The following LDAH variants were observed in gnomAD, a reference collection of about 807,000 sequenced individuals.
LDAH encodes lipid droplet associated hydrolase.
LDAH carries 26 observed loss-of-function variants against 29.6 expected under a neutral mutation model. The observed-to-expected ratio is 0.88, with a 90% CI of 0.64 to 1.22. The LOEUF is 1.22. Among genes scored for constraint, LDAH ranks in the 50% most tolerant of loss-of-function variants. LDAH has a pLI of 0.00. For missense variants in LDAH, 344 were observed against 387.3 expected (o/e 0.89, Z 0.94); for synonymous variants, 117 against 133.0 (o/e 0.88, Z 0.83).
intron 4 of LDAH, among the ~76,000 whole-genome samples, chr2:20,768,777 C>G (rs925712554): frequency 6.6e-6 from 1 of 152,214 alleles, no homozygotes; most frequent in African/African-American, 2.4e-5. Context: ...TCTCTCTTTT[C>G]TCAACAATTT....
At chr2:20,771,924 T>C (rs553475488) in intron 4 of LDAH, among the ~76,000 whole-genome samples, 1 of 152,218 alleles carries the variant, frequency 6.6e-6, no homozygotes, top group Non-Finnish European at 1.5e-5. Context: ...ACAAATAGAG[T>C]AGGTTAAGTT....
At chr2:20,801,169 A>T in intron 2 of LDAH, 141 bp downstream of exon 2, 1 of 766,816 alleles carries the variant, frequency 1.3e-6, no homozygotes, top group South Asian at 2.0e-5. Flanking sequence ...CAAAATATTA[A>T]GGGTGGTTGT....
chr2:20,709,974 T>A (rs1410928225), intron 5 of LDAH, among the ~76,000 whole-genome samples: 1 of 152,098 alleles, frequency 6.6e-6, no homozygotes, highest in Non-Finnish European at 1.5e-5. Flanking sequence ...AAAACTTACA[T>A]TACAAAATCA....
chr2:20,813,152 A>G (rs1466957575), intron 1 of LDAH, among the ~76,000 whole-genome samples: 1 of 152,060 alleles, frequency 6.6e-6, no homozygotes, highest in Non-Finnish European at 1.5e-5. Context: ...GCATGCTGTG[A>G]TTTTTCTAAA....
In LDAH at chr2:20,711,468, T is replaced by C. The variant is rs547199199; in HGVS notation, c.704-9816A>G. Among the ~76,000 whole-genome samples the C allele has an allele frequency of 1.1e-4, 17 of 151,968 alleles. No individual in the cohort carries two copies. The East Asian group carries it at 1.6e-3, about 14-fold the overall frequency. Reference sequence around the variant, plus strand: ...CTCCGGTCTGCAGCTTCCAGCATGATTGACAGAGAAGACGGGTGATTTCTG... The same window carrying C: ...CTCCGGTCTGCAGCTTCCAGCATGACTGACAGAGAAGACGGGTGATTTCTG... On this transcript the variant is annotated intron_variant, in intron 5 of 6. Coordinates refer to ENST00000237822, the MANE Select transcript of LDAH (RefSeq NM_021925.4).
chr2:20,731,209 GGAGGTGGGACCTGGT>G (rs1353721578), intron 5 of LDAH, among the ~76,000 whole-genome samples: 1 of 152,174 alleles, frequency 6.6e-6, no homozygotes, highest in East Asian at 1.9e-4. Flanking sequence ...CCCCAATGTT[GGAGGTGGGACCTGGT>G]GAGAGGTAAC....
chr2:20,723,773 G>A (rs192902223), intron 5 of LDAH, among the ~76,000 whole-genome samples: 4 of 152,216 alleles, frequency 2.6e-5, no homozygotes, highest in African/African-American at 9.6e-5. Flanking sequence ...ACTGTCAACA[G>A]CATTCCTGGA....
intron 1 of LDAH, among the ~76,000 whole-genome samples, chr2:20,817,306 A>G (rs561533253): frequency 1.3e-3 from 196 of 152,196 alleles, no homozygotes; most frequent in African/African-American, 4.5e-3. Context: ...AAAAGATAAA[A>G]TGACACAAAT....
rs1662403260 is a variant in LDAH at position 20,684,317 on chromosome 2, A to G, written c.*2586T>C. ...TTGTCTCAACAATGTCTTTTATAAC[A>G]AAAACATCCAATTCAGAATCAGATG... is the stretch of plus-strand genomic sequence containing the variant. On this transcript the variant is annotated 3_prime_UTR_variant, in exon 7 of 7. Transcript: ENST00000237822. 6.6e-6 allele frequency: 1 copy of G among 152,304 alleles called. No homozygotes were observed. The highest frequency in any genetic ancestry group is 2.1e-4 in the South Asian group (1 of 4,826). 9.4% of individuals were successfully genotyped at this position (152,304 alleles called of 1,614,324 possible).
chr2:20,734,192 T>C (rs957433637), intron 5 of LDAH, among the ~76,000 whole-genome samples: 2 of 152,202 alleles, frequency 1.3e-5, no homozygotes, highest in Non-Finnish European at 2.9e-5. Flanking sequence ...AACCTACTTA[T>C]ATTGTTATAT....
At chr2:20,754,958 T>C (rs1257609881) in intron 4 of LDAH, among the ~76,000 whole-genome samples, 1 of 152,148 alleles carries the variant, frequency 6.6e-6, no homozygotes, top group African/African-American at 2.4e-5. Flanking sequence ...GCAAGGTAGA[T>C]TAAAGTATTA....
Position 20,749,337 on chromosome 2 carries a change from A to G in LDAH, c.469-9132T>C, listed in dbSNP as rs1226830616. Among the ~76,000 whole-genome samples the G allele has an allele frequency of 1.3e-5, 2 of 152,266 alleles. 1 individual carries two copies. Among genetic ancestry groups the G allele is most frequent in the Non-Finnish European group, 2.9e-5 (2 of 68,048 alleles). On this transcript the variant is annotated intron_variant, in intron 4 of 6. Coordinates refer to ENST00000237822, the MANE Select transcript of LDAH (RefSeq NM_021925.4). ...ACAAGCAAAGTGCTGATGATAGAAT[A>G]CAGGGTTATTCAGTGAAACCAGTAA...
At chr2:20,688,623 C>T (rs1662744098) in intron 6 of LDAH, among the ~76,000 whole-genome samples, 1 of 152,058 alleles carries the variant, frequency 6.6e-6, no homozygotes, top group Non-Finnish European at 1.5e-5. Context: ...TTATTAAATC[C>T]ATGACCTGAA....
At chr2:20,736,202 G>A (rs773629599) in intron 5 of LDAH, among the ~76,000 whole-genome samples, 3 of 152,186 alleles carry the variant, frequency 2.0e-5, no homozygotes, top group Non-Finnish European at 4.4e-5. Flanking sequence ...AGCATTTTGG[G>A]AGGCCAAGGC....
intron 3 of LDAH, among the ~76,000 whole-genome samples, chr2:20,776,437 G>A (rs1669833477): frequency 6.6e-6 from 1 of 151,996 alleles, no homozygotes; most frequent in Non-Finnish European, 1.5e-5. Flanking sequence ...TACAATTCAG[G>A]TCTTGCTTAT....
chr2:20,733,324 G>A (rs929364860), intron 5 of LDAH, among the ~76,000 whole-genome samples: 2 of 151,440 alleles, frequency 1.3e-5, no homozygotes, highest in African/African-American at 4.9e-5. Context: ...TTGGCCTCCT[G>A]GGCTCAAGTG....
At chr2:20,722,235 G>C (rs1278783742) in intron 5 of LDAH, among the ~76,000 whole-genome samples, 2 of 152,000 alleles carry the variant, frequency 1.3e-5, no homozygotes, top group Non-Finnish European at 2.9e-5. Context: ...TTAGCCGAGC[G>C]TGGTGGTGTG....
At chr2:20,769,448 T>C (rs2124996636) in intron 4 of LDAH, among the ~76,000 whole-genome samples, 1 of 152,348 alleles carries the variant, frequency 6.6e-6, no homozygotes, top group East Asian at 1.9e-4. Flanking sequence ...TAAACATAGC[T>C]GAGTGACATA....
intron 3 of LDAH, among the ~76,000 whole-genome samples, chr2:20,785,520 G>C (rs1230609916): frequency 2.6e-5 from 4 of 152,202 alleles, no homozygotes; most frequent in Admixed American, 1.3e-4. Flanking sequence ...TGTAGGTGTA[G>C]AGCCTTAGTA....
Sources: allele counts gnomAD v4.1 joint callset (sites outside exome capture counted in the v4.1 genomes callset), GRCh38; gene constraint gnomAD v4.1.1; transcripts MANE v1.5; gene names NCBI Gene and HGNC (gene_info 2026-07-23, HGNC 2026-07-21).